The following SLTM variants were observed in gnomAD, a reference collection of about 807,000 sequenced individuals.
The protein encoded by SLTM is SAFB-like transcription modulator.
A neutral mutation model predicts 134.6 loss-of-function variants in SLTM; 43 were observed. That is an observed-to-expected ratio of 0.32 (90% CI 0.25 to 0.41). SLTM has a LOEUF of 0.41. Among genes scored for constraint, SLTM ranks in the 10% least tolerant of loss-of-function variants. The probability of loss-of-function intolerance (pLI) is 1.00; values close to 1 mark genes in which losing one functional copy is unlikely to be tolerated. For missense variants in SLTM, 1,055 were observed against 1,288.8 expected (o/e 0.82, Z 2.78); for synonymous variants, 424 against 432.3 (o/e 0.98, Z 0.24).
Position 58,880,110 on chromosome 15 carries a change from G to GA in SLTM, c.2997-4dup. The GA allele has an allele frequency of 6.2e-7, 1 of 1,609,988 alleles. No homozygotes were observed. Among genetic ancestry groups the GA allele is most frequent in the Non-Finnish European group, 8.5e-7 (1 of 1,178,554 alleles). On this transcript the variant is annotated splice_region_variant and splice_polypyrimidine_tract_variant and intron_variant, in intron 20 of 20. Coordinates refer to ENST00000380516, the MANE Select transcript of SLTM (RefSeq NM_024755.4). ...TTCTATTAATTGGGGATGCGTTACT[G>GA]AAAAAGGTTTAAAAGAAAAAAACAT...
In SLTM at chr15:58,884,935, A is replaced by G. The variant is rs16940886; in HGVS notation, c.2836-1149T>C. Among the ~76,000 whole-genome samples the G allele has an allele frequency of 5.5e-3, 842 of 152,268 alleles. 6 individuals are homozygous for G. Among genetic ancestry groups the G allele is most frequent in the African/African-American group, 0.019 (807 of 41,548 alleles). On this transcript the variant is annotated intron_variant, in intron 19 of 20. Coordinates refer to ENST00000380516, the MANE Select transcript of SLTM (RefSeq NM_024755.4). Reference sequence around the variant, plus strand: ...CAGCCACGAGCCACCAGGCCTGGCCATTAATTTGTATTTCTGTATTTTCTA... The same window carrying G: ...CAGCCACGAGCCACCAGGCCTGGCCGTTAATTTGTATTTCTGTATTTTCTA...
rs761287317 is a variant in SLTM, at chr15:58,899,828, C to T, written c.699G>A (p.Thr233=). Residue 233 remains threonine (T), a synonymous_variant, in exon 7 of 21, where the codon ACG becomes ACA. Transcript: ENST00000380516. The surrounding 1 kb of genome is among the most constrained non-coding windows in gnomAD (Gnocchi z 5.0). ...TGTCATCCTCAGCTTCTTTCACAGT[C>T]GTATGAGCTTCCATCTCTTCATGAG... ...HTAHEEMEAH[T]TVKEAEDDNI... 6 of 1,614,118 alleles carry T rather than the reference C, an allele frequency of 3.7e-6. No homozygotes were observed. Among genetic ancestry groups the T allele is most frequent in the Middle Eastern group, 1.6e-4 (1 of 6,062 alleles).
At chr15:58,916,129 T>G (rs1261145816) in intron 3 of SLTM, among the ~76,000 whole-genome samples, 1 of 152,064 alleles carries the variant, frequency 6.6e-6, no homozygotes, top group Non-Finnish European at 1.5e-5. Flanking sequence ...CCTAGCTTAT[T>G]TATCTTTAAA....
intron 5 of SLTM, among the ~76,000 whole-genome samples, chr15:58,905,915 T>C (rs1366961031): frequency 6.6e-6 from 1 of 152,216 alleles, no homozygotes; most frequent in East Asian, 1.9e-4. Flanking sequence ...CTTTATGACA[T>C]ACATTTATAT....
At chr15:58,914,011 C>T (rs1050234613) in intron 3 of SLTM, among the ~76,000 whole-genome samples, 2 of 152,248 alleles carry the variant, frequency 1.3e-5, no homozygotes, top group South Asian at 2.1e-4. Flanking sequence ...CCAAAAAATA[C>T]GGCTTCATTT....
At chr15:58,883,473 T>C (rs1443329859) in intron 20 of SLTM, 153 bp downstream of exon 20, 3 of 943,930 alleles carry the variant, frequency 3.2e-6, no homozygotes, top group Non-Finnish European at 4.9e-6. Context: ...CTGCAAACAC[T>C]CTTTTGGAGA....
At chr15:58,895,070 A>C (rs1476034542) in intron 9 of SLTM, among the ~76,000 whole-genome samples, 3 of 152,170 alleles carry the variant, frequency 2.0e-5, no homozygotes, top group Admixed American at 6.6e-5. Context: ...GGAACAATTT[A>C]AAGTGCCAAA....
chr15:58,908,906 C>G (rs997615025), intron 5 of SLTM, among the ~76,000 whole-genome samples: 2 of 152,004 alleles, frequency 1.3e-5, no homozygotes, highest in Non-Finnish European at 2.9e-5. Context: ...GTATGTGTAC[C>G]GTGAGATAAA....
intron 4 of SLTM, 31 bp downstream of exon 4, chr15:58,913,468 T>A: frequency 6.6e-7 from 1 of 1,520,850 alleles, no homozygotes; most frequent in Non-Finnish European, 9.0e-7. Flanking sequence ...AATTTATCTG[T>A]GTCATGTTTT....
At chr15:58,904,313 C>T (rs1203701723) in intron 5 of SLTM, among the ~76,000 whole-genome samples, 1 of 151,950 alleles carries the variant, frequency 6.6e-6, no homozygotes, top group East Asian at 1.9e-4. Context: ...GCCCGGCCAA[C>T]AATAATTTCT....
chr15:58,917,691 CCTT>C (rs1212742491), intron 2 of SLTM, among the ~76,000 whole-genome samples: 2 of 152,152 alleles, frequency 1.3e-5, no homozygotes, highest in Non-Finnish European at 2.9e-5. Context: ...AAACTACAGA[CCTT>C]CTTTGCCCAT....
At chr15:58,931,326 G>C (rs2037866034) in intron 2 of SLTM, among the ~76,000 whole-genome samples, 1 of 152,174 alleles carries the variant, frequency 6.6e-6, no homozygotes, top group African/African-American at 2.4e-5. Flanking sequence ...CCTAACCTAG[G>C]AAGACTTAAA....
intron 14 of SLTM, among the ~76,000 whole-genome samples, chr15:58,892,280 A>G (rs1487165323): frequency 6.6e-6 from 1 of 152,234 alleles, no homozygotes; most frequent in Non-Finnish European, 1.5e-5. Context: ...AGATATGGCC[A>G]CTAAAAATGG....
chr15:58,893,248 T>C, intron 13 of SLTM, 31 bp downstream of exon 13: 2 of 1,517,598 alleles, frequency 1.3e-6, no homozygotes, highest in Non-Finnish European at 1.8e-6. Context: ...ACAGCTGAAG[T>C]AGTATACAAC....
chr15:58,881,968 T>C (rs1288650061), intron 20 of SLTM, among the ~76,000 whole-genome samples: 1 of 151,606 alleles, frequency 6.6e-6, no homozygotes, highest in African/African-American at 2.4e-5. Flanking sequence ...CCTAGCACTT[T>C]AGAAGGCTGA....
At chr15:58,885,424 C>T (rs1362227155) in intron 19 of SLTM, among the ~76,000 whole-genome samples, 21 of 152,078 alleles carry the variant, frequency 1.4e-4, no homozygotes, top group African/African-American at 2.4e-5. Flanking sequence ...CCTCTGAATG[C>T]GGAGGGCTAG....
intron 12 of SLTM, 103 bp downstream of exon 12, chr15:58,893,718 C>T: frequency 7.8e-7 from 1 of 1,288,548 alleles, no homozygotes; most frequent in Non-Finnish European, 1.1e-6. Flanking sequence ...TGACACCTAA[C>T]AACAAAGCTT....
In SLTM at chr15:58,880,109, T is replaced by G; in HGVS notation, c.2997-2A>C. The stretch of plus-strand genomic sequence containing the variant: ...ATTCTATTAATTGGGGATGCGTTAC[T>G]GAAAAAGGTTTAAAAGAAAAAAACA... On this transcript the variant is annotated splice_acceptor_variant, in intron 20 of 20. Transcript: ENST00000380516. LOFTEE classifies it high-confidence loss of function. 1 of 1,611,194 alleles carries G rather than the reference T, an allele frequency of 6.2e-7. No homozygotes were observed. Among genetic ancestry groups the G allele is most frequent in the Non-Finnish European group, 8.5e-7 (1 of 1,179,008 alleles).
chr15:58,901,939 C>T (rs1253815835), intron 5 of SLTM, among the ~76,000 whole-genome samples: 6 of 151,716 alleles, frequency 4.0e-5, no homozygotes, highest in African/African-American at 9.7e-5. Flanking sequence ...GATGGCAAAG[C>T]CAATTTTAAA....
Sources: allele counts gnomAD v4.1 joint callset (sites outside exome capture counted in the v4.1 genomes callset), GRCh38; gene constraint gnomAD v4.1.1; non-coding constraint Gnocchi (gnomAD v3.1); transcripts MANE v1.5; gene names NCBI Gene and HGNC (gene_info 2026-07-23, HGNC 2026-07-21).